LUZP2: variants seen among roughly 807,000 people sequenced by gnomAD.
The protein encoded by LUZP2 is leucine zipper protein 2.
Under a neutral mutation model 51.6 loss-of-function variants are expected in LUZP2, and 52 were observed. That is an observed-to-expected ratio of 1.01 (90% CI 0.81 to 1.27). LUZP2 has a LOEUF of 1.27. Among genes scored for constraint, LUZP2 ranks in the 50% most tolerant of loss-of-function variants. LUZP2 has a pLI of 0.00. For missense variants in LUZP2, 436 were observed against 395.4 expected (o/e 1.10, Z -0.87); for synonymous variants, 154 against 137.3 (o/e 1.12, Z -0.85).
intron 5 of LUZP2, among the ~76,000 whole-genome samples, chr11:24,817,495 T>A (rs944878096): frequency 6.6e-6 from 1 of 152,028 alleles, no homozygotes; most frequent in Non-Finnish European, 1.5e-5. Context: ...ATACAACTGA[T>A]GAATGAGAGA....
Position 24,687,540 on chromosome 11 carries a change from C to T in LUZP2, c.63-41629C>T, listed in dbSNP as rs377648787. On this transcript the variant is annotated intron_variant, in intron 1 of 11. Coordinates refer to ENST00000336930, the MANE Select transcript of LUZP2 (RefSeq NM_001009909.4). Reference sequence around the variant, plus strand: ...TATAACTTGTCCTAGGTCACAGAGCCGCTAAGAAGCGGAGACAGAGTTTGA... The same window carrying T: ...TATAACTTGTCCTAGGTCACAGAGCTGCTAAGAAGCGGAGACAGAGTTTGA... Among the ~76,000 whole-genome samples, 49 of 152,218 alleles carry T rather than the reference C, an allele frequency of 3.2e-4. 1 individual carries two copies. The South Asian group carries it at 8.5e-3, about 26-fold the overall frequency.
intron 7 of LUZP2, among the ~76,000 whole-genome samples, chr11:24,943,548 C>T (rs1854816199): frequency 6.6e-6 from 1 of 152,036 alleles, no homozygotes; most frequent in Non-Finnish European, 1.5e-5. Context: ...GGGGAAAGTC[C>T]ATCTAATAAT....
intron 1 of LUZP2, among the ~76,000 whole-genome samples, chr11:24,655,856 T>C (rs1464400279): frequency 6.6e-6 from 1 of 152,208 alleles, no homozygotes; most frequent in African/African-American, 2.4e-5. Context: ...TGAGTGCCTC[T>C]TAGATGTTGG....
At chr11:24,870,041 A>T (rs1471364285) in intron 5 of LUZP2, among the ~76,000 whole-genome samples, 1 of 152,122 alleles carries the variant, frequency 6.6e-6, no homozygotes. Flanking sequence ...TGATAGGGAG[A>T]AATTTTTAGT....
intron 5 of LUZP2, among the ~76,000 whole-genome samples, chr11:24,881,092 A>G (rs1032915065): frequency 6.6e-6 from 1 of 152,160 alleles, no homozygotes; most frequent in South Asian, 2.1e-4. Context: ...TTTGGTTGCC[A>G]GGTAAGCTTA....
chr11:24,850,988 C>T (rs747785904), intron 5 of LUZP2, among the ~76,000 whole-genome samples: 1 of 152,172 alleles, frequency 6.6e-6, no homozygotes, highest in African/African-American at 2.4e-5. Context: ...GCTGAAGTTG[C>T]TTATCAACTT....
intron 1 of LUZP2, among the ~76,000 whole-genome samples, chr11:24,593,475 T>A (rs896948015): frequency 1.3e-5 from 2 of 152,204 alleles, no homozygotes; most frequent in African/African-American, 4.8e-5. Context: ...AGCTGTCAGT[T>A]GGCTGAGAAC....
intron 9 of LUZP2, among the ~76,000 whole-genome samples, chr11:24,991,368 G>A (rs879305281): frequency 2.4e-5 from 3 of 124,450 alleles, no homozygotes; most frequent in African/African-American, 8.7e-5. Flanking sequence ...ATATGTGTGT[G>A]TATATATATG....
chr11:24,964,619 A>C (rs527748655), intron 7 of LUZP2, among the ~76,000 whole-genome samples: 56 of 152,288 alleles, frequency 3.7e-4, no homozygotes, highest in African/African-American at 1.1e-3. Flanking sequence ...ATTAATAACT[A>C]CAGGGTATAT....
At chr11:24,666,462 T>C (rs1441465466) in intron 1 of LUZP2, among the ~76,000 whole-genome samples, 1 of 152,154 alleles carries the variant, frequency 6.6e-6, no homozygotes, top group Non-Finnish European at 1.5e-5. Flanking sequence ...AAGTGAAAGT[T>C]TCTAAAGAAA....
At chr11:25,072,222 A>G (rs1326843149) in intron 10 of LUZP2, among the ~76,000 whole-genome samples, 1 of 152,034 alleles carries the variant, frequency 6.6e-6, no homozygotes, top group Non-Finnish European at 1.5e-5. Flanking sequence ...ACTTTCCATC[A>G]TTACACTTAA....
At chr11:24,763,637 A>G (rs1860068650) in intron 5 of LUZP2, among the ~76,000 whole-genome samples, 1 of 152,152 alleles carries the variant, frequency 6.6e-6, no homozygotes, top group Non-Finnish European at 1.5e-5. Context: ...TGAAGAAGAA[A>G]GCTAGCTAGA....
chr11:24,709,879 T>A (rs1857748563), intron 1 of LUZP2, among the ~76,000 whole-genome samples: 1 of 152,186 alleles, frequency 6.6e-6, no homozygotes, highest in Admixed American at 6.5e-5. Flanking sequence ...CAGGAGCTCA[T>A]GGATGAAAAA....
At chr11:24,778,576 TTACTGCG>T (rs1849006350) in intron 5 of LUZP2, among the ~76,000 whole-genome samples, 1 of 152,110 alleles carries the variant, frequency 6.6e-6, no homozygotes, top group East Asian at 1.9e-4. Flanking sequence ...TTACTCCTGG[TTACTGCG>T]ACATGCTGCA....
intron 6 of LUZP2, among the ~76,000 whole-genome samples, chr11:24,911,084 G>A (rs1853618982): frequency 6.6e-6 from 1 of 152,174 alleles, no homozygotes; most frequent in Non-Finnish European, 1.5e-5. Context: ...GCATTGCATG[G>A]AGCCTGTGGC....
intron 1 of LUZP2, among the ~76,000 whole-genome samples, chr11:24,700,208 CA>C (rs1326811568): frequency 6.6e-6 from 1 of 151,952 alleles, no homozygotes; most frequent in Non-Finnish European, 1.5e-5. Context: ...ATTACAGGCA[CA>C]AACCACCATT....
chr11:24,644,721 T>A (rs994271884), intron 1 of LUZP2, among the ~76,000 whole-genome samples: 1 of 152,122 alleles, frequency 6.6e-6, no homozygotes, highest in Non-Finnish European at 1.5e-5. Flanking sequence ...CACAGGAAAC[T>A]CAATCAGAAA....
chr11:24,729,154 T>G lies in LUZP2; in HGVS notation c.63-15T>G. ...ACCATTTGGGGGGCTCTCATGCCTG[T>G]TCTTTCTGTGTTAGACAGGACTATG... On this transcript the variant is annotated splice_polypyrimidine_tract_variant and intron_variant, in intron 1 of 11. Coordinates refer to ENST00000336930, the MANE Select transcript of LUZP2 (RefSeq NM_001009909.4). 2.1e-6 allele frequency: 3 copies of G among 1,429,510 alleles called. No individual in the cohort carries two copies. Among genetic ancestry groups the G allele is most frequent in the Non-Finnish European group, 2.8e-6 (3 of 1,058,014 alleles). The allele number at this position is 1,429,510 out of a possible 1,614,324, so 88.6% of individuals were successfully genotyped here.
At chr11:24,533,040 C>G (rs1161225393) in intron 1 of LUZP2, among the ~76,000 whole-genome samples, 2 of 151,136 alleles carry the variant, frequency 1.3e-5, no homozygotes, top group Non-Finnish European at 3.0e-5. Flanking sequence ...CTAACATCAC[C>G]AGACAGAAAA....
Sources: gnomAD v4.1 joint callset for allele counts (sites outside exome capture counted in the v4.1 genomes callset) on GRCh38, gnomAD v4.1.1 for gene constraint, MANE v1.5 for transcripts, NCBI Gene and HGNC (gene_info 2026-07-23, HGNC 2026-07-21) for gene names.